Variants in CNTNAP2 observed in about 807,000 individuals in gnomAD.
CNTNAP2 encodes the protein contactin associated protein 2.
Under a neutral mutation model 155.2 loss-of-function variants are expected in CNTNAP2, and 98 were observed. The ratio of observed to expected loss-of-function variants is 0.63; its 90% CI spans 0.54 to 0.75. The LOEUF (loss-of-function observed/expected upper bound fraction) is 0.75, where lower values mean the gene tolerates loss of function less well. Among genes scored for constraint, CNTNAP2 ranks in the 30% least tolerant of loss-of-function variants. The probability of loss-of-function intolerance (pLI) is 0.00; values close to 1 mark genes in which losing one functional copy is unlikely to be tolerated. For synonymous variants in CNTNAP2, 651 were observed against 631.2 expected, an observed-to-expected ratio of 1.03 and a Z score of -0.47; for missense variants, 1,727 against 1,688.1, an observed-to-expected ratio of 1.02 and a Z score of -0.40.
At chr7:146,466,283 G>A (rs1305534538) in intron 1 of CNTNAP2, among the ~76,000 whole-genome samples, 1 of 152,158 alleles carries the variant, frequency 6.6e-6, no homozygotes, top group Non-Finnish European at 1.5e-5. Flanking sequence ...ACTTTCATGT[G>A]AGTGGCTGGG....
chr7:147,784,353 A>G (rs1797700888), intron 13 of CNTNAP2, among the ~76,000 whole-genome samples: 1 of 140,128 alleles, frequency 7.1e-6, no homozygotes, highest in Admixed American at 7.1e-5. Flanking sequence ...CACAAAGATT[A>G]TCTTCATAGC....
chr7:146,507,462 G>A (rs1410643808), intron 1 of CNTNAP2, among the ~76,000 whole-genome samples: 1 of 152,202 alleles, frequency 6.6e-6, no homozygotes, highest in Non-Finnish European at 1.5e-5. Flanking sequence ...CCAATCCCAA[G>A]TAATTCCTGT....
chr7:147,281,225 T>C (rs1160951948), intron 8 of CNTNAP2, among the ~76,000 whole-genome samples: 3 of 151,892 alleles, frequency 2.0e-5, no homozygotes, highest in Non-Finnish European at 2.9e-5. Context: ...AAACCTCTGG[T>C]GCAAGATTTT....
At chr7:146,398,055 G>C (rs1795658112) in intron 1 of CNTNAP2, among the ~76,000 whole-genome samples, 1 of 151,626 alleles carries the variant, frequency 6.6e-6, no homozygotes, top group African/African-American at 2.4e-5. Flanking sequence ...TGCATTTTTT[G>C]TGGAGAGCGT....
chr7:147,164,078 G>C (rs1563099133), intron 8 of CNTNAP2, among the ~76,000 whole-genome samples: 2 of 152,202 alleles, frequency 1.3e-5, no homozygotes, highest in African/African-American at 4.8e-5. Context: ...ATAAATGGAA[G>C]ACTTTATTCT....
At chr7:147,804,862 G>GGGC (rs1239622192) in intron 13 of CNTNAP2, among the ~76,000 whole-genome samples, 6 of 151,904 alleles carry the variant, frequency 3.9e-5, no homozygotes, top group African/African-American at 1.5e-4. Flanking sequence ...CCCTGCTTCA[G>GGGC]TTTTTAACCT....
intron 1 of CNTNAP2, among the ~76,000 whole-genome samples, chr7:146,538,773 A>C (rs575902303): frequency 8.9e-4 from 136 of 152,164 alleles, no homozygotes; most frequent in Non-Finnish European, 1.8e-3. Context: ...AGGTAGAATA[A>C]GTTTAAAAGC....
chr7:146,255,899 A>G (rs1287044953), intron 1 of CNTNAP2, among the ~76,000 whole-genome samples: 2 of 152,246 alleles, frequency 1.3e-5, no homozygotes, highest in African/African-American at 4.8e-5. Context: ...AGTGAAAACA[A>G]GAAGGATGAA....
chr7:147,840,933 C>T (rs1798717711), intron 13 of CNTNAP2, among the ~76,000 whole-genome samples: 1 of 151,968 alleles, frequency 6.6e-6, no homozygotes, highest in African/African-American at 2.4e-5. Flanking sequence ...AGAAAAATTA[C>T]TTGTAAAGTT....
At chr7:147,949,411 A>G (rs2116827218) in intron 14 of CNTNAP2, among the ~76,000 whole-genome samples, 1 of 145,410 alleles carries the variant, frequency 6.9e-6, no homozygotes, top group East Asian at 2.0e-4. Flanking sequence ...ACACAGTTCA[A>G]ACCTGTGTTG....
At chr7:147,526,268 T>A (rs987235520) in intron 11 of CNTNAP2, among the ~76,000 whole-genome samples, 1 of 152,188 alleles carries the variant, frequency 6.6e-6, no homozygotes, top group African/African-American at 2.4e-5. Context: ...TTGGCATTTT[T>A]AAAAAATCTA....
intron 14 of CNTNAP2, among the ~76,000 whole-genome samples, chr7:147,971,837 T>A (rs1433293702): frequency 2.0e-5 from 3 of 152,178 alleles, no homozygotes; most frequent in Non-Finnish European, 2.9e-5. Flanking sequence ...AGTCATATGG[T>A]GTGTCTATGT....
intron 1 of CNTNAP2, among the ~76,000 whole-genome samples, chr7:146,426,507 G>A (rs1023061336): frequency 1.1e-4 from 17 of 149,208 alleles, no homozygotes; most frequent in Non-Finnish European, 1.0e-4. Context: ...ATATCTACTT[G>A]TACACGTGTG....
At chr7:146,524,924 T>A (rs1282106418) in intron 1 of CNTNAP2, among the ~76,000 whole-genome samples, 2 of 152,132 alleles carry the variant, frequency 1.3e-5, no homozygotes, top group African/African-American at 4.8e-5. Flanking sequence ...GAAAGATTCA[T>A]TATATTTCCT....
chr7:146,576,562 T>C (rs1047262148), intron 1 of CNTNAP2, among the ~76,000 whole-genome samples: 14 of 152,284 alleles, frequency 9.2e-5, no homozygotes, highest in African/African-American at 3.1e-4. Flanking sequence ...TTGTGCTTCT[T>C]GATTATGGCT....
chr7:148,012,555 T>A (rs1232049180), intron 15 of CNTNAP2, among the ~76,000 whole-genome samples: 1 of 150,776 alleles, frequency 6.6e-6, no homozygotes, highest in Non-Finnish European at 1.5e-5. Flanking sequence ...AGATCTCATG[T>A]TAAGTGTTTT....
chr7:146,721,367 CTA>C (rs1240706838), intron 1 of CNTNAP2, among the ~76,000 whole-genome samples: 3 of 122,738 alleles, frequency 2.4e-5, no homozygotes, highest in Non-Finnish European at 4.8e-5. Flanking sequence ...TATATACATT[CTA>C]TATATACATT....
chr7:147,935,035 G>T (rs984975725), intron 14 of CNTNAP2, among the ~76,000 whole-genome samples: 1 of 151,110 alleles, frequency 6.6e-6, no homozygotes, highest in African/African-American at 2.4e-5. Flanking sequence ...TTTTAGATAC[G>T]TCCTTTGGTC....
chr7:147,757,874 A>G (rs2116513742), intron 13 of CNTNAP2, among the ~76,000 whole-genome samples: 1 of 152,330 alleles, frequency 6.6e-6, no homozygotes, highest in Non-Finnish European at 1.5e-5. Context: ...TCTTGATTAC[A>G]TAGATGTAAT....
Sources: allele counts gnomAD v4.1 joint callset (sites outside exome capture counted in the v4.1 genomes callset), GRCh38; gene constraint gnomAD v4.1.1; transcripts MANE v1.5; gene names NCBI Gene and HGNC (gene_info 2026-07-23, HGNC 2026-07-21).